MAP3K1: variants seen among roughly 807,000 people sequenced by gnomAD.
MAP3K1 encodes the protein mitogen-activated protein kinase kinase kinase 1.
A neutral mutation model predicts 144.2 loss-of-function variants in MAP3K1; 36 were observed. That is an observed-to-expected ratio of 0.25 (90% CI 0.19 to 0.33). The LOEUF is 0.33. MAP3K1 is among the 10% of genes least tolerant of loss of function. The pLI is 1.00. For synonymous variants in MAP3K1, 718 were observed against 688.7 expected (o/e 1.04, Z -0.67); for missense variants, 1,650 against 1,881.9 (o/e 0.88, Z 2.28).
At chr5:56,838,492 A>G (rs1029212926) in intron 1 of MAP3K1, among the ~76,000 whole-genome samples, 1 of 152,234 alleles carries the variant, frequency 6.6e-6, no homozygotes, top group African/African-American at 2.4e-5. Context: ...TGAGGAAGAC[A>G]TTATTTAGGA....
intron 1 of MAP3K1, among the ~76,000 whole-genome samples, chr5:56,843,051 C>T (rs952819931): frequency 6.6e-6 from 1 of 152,142 alleles, no homozygotes; most frequent in African/African-American, 2.4e-5. Context: ...GAAGTCCTTC[C>T]TGGTTTTGTT....
At chr5:56,883,822 T>C in intron 15 of MAP3K1, 143 bp downstream of exon 15, 1 of 916,312 alleles carries the variant, frequency 1.1e-6, no homozygotes, top group South Asian at 1.4e-5. Flanking sequence ...TAGATGTTTC[T>C]AAAGCACCAG....
Position 56,859,815 on chromosome 5 carries a change from C to G in MAP3K1, c.734C>G (p.Ser245Cys). The G allele has an allele frequency of 6.2e-7, 1 of 1,614,000 alleles. No homozygotes were observed. Among genetic ancestry groups the G allele is most frequent in the Admixed American group, 1.7e-5 (1 of 60,012 alleles). The change falls in exon 3 of 20, where the codon TCC (serine) becomes TGC (cysteine). Residue 245 changes from serine to cysteine, a missense_variant. Physicochemically the swap from Ser to Cys is moderately radical, Grantham distance 112 (BLOSUM62 -1). Coordinates refer to ENST00000399503, the MANE Select transcript of MAP3K1 (RefSeq NM_005921.2). ...EVQASAASPASKGRRSPSPGN... is the reference protein window; with the variant it reads ...EVQASAASPACKGRRSPSPGN... ...CAGGCAAGTGCGGCTTCACCAGCTT[C>G]CAAAGGCCGACGCAGTCCTTCTCCT...
rs1377706371 is a variant in MAP3K1 at position 56,881,556 on chromosome 5, T to C, written c.2370-14T>C. 3 of 1,588,968 alleles carry C rather than the reference T, an allele frequency of 1.9e-6. No individual in the cohort carries two copies. Among genetic ancestry groups the C allele is most frequent in the Non-Finnish European group, 2.6e-6 (3 of 1,158,146 alleles). On this transcript the variant is annotated splice_polypyrimidine_tract_variant and intron_variant, in intron 13 of 19. Transcript: ENST00000399503. Reference sequence around the variant, plus strand: ...ATTGGAACTTATATGGTAATGAATGTTTTTTTCTTTCAGGTATAAGAAGCT... The same window carrying C: ...ATTGGAACTTATATGGTAATGAATGCTTTTTTCTTTCAGGTATAAGAAGCT...
chr5:56,890,665 T>TATACAGAA (rs1472115183), intron 19 of MAP3K1, among the ~76,000 whole-genome samples: 17 of 152,166 alleles, frequency 1.1e-4, no homozygotes, highest in Admixed American at 9.2e-4. Flanking sequence ...TTATCCACAC[T>TATACAGAA]ATACAGAAAT....
chr5:56,865,198 TC>T (rs1747639536), intron 4 of MAP3K1, 141 bp from the exon 5 acceptor site: 1 of 648,666 alleles, frequency 1.5e-6, no homozygotes, highest in Non-Finnish European at 2.7e-6. Context: ...TGTAGATTTT[TC>T]TTATATACAA....
intron 1 of MAP3K1, among the ~76,000 whole-genome samples, chr5:56,845,195 C>T (rs185047803): frequency 6.6e-6 from 1 of 152,072 alleles, no homozygotes; most frequent in Non-Finnish European, 1.5e-5. Context: ...TTGTATTATG[C>T]CATAACCTAC....
chr5:56,839,749 A>G (rs1421874638), intron 1 of MAP3K1, among the ~76,000 whole-genome samples: 5 of 152,170 alleles, frequency 3.3e-5, no homozygotes, highest in Admixed American at 2.0e-4. Context: ...TCATGTCTGC[A>G]AGGACCCAGA....
At chr5:56,879,715 A>G (rs745744513) in intron 11 of MAP3K1, among the ~76,000 whole-genome samples, 2 of 152,202 alleles carry the variant, frequency 1.3e-5, no homozygotes, top group Admixed American at 6.6e-5. Context: ...TTTCAGACCA[A>G]TGGTTCTCTT....
chr5:56,893,687 A>G lies in MAP3K1; in HGVS notation c.*7A>G. 1 of 1,613,712 alleles carries G rather than the reference A, an allele frequency of 6.2e-7. No homozygotes were observed. The highest frequency in any genetic ancestry group is 8.5e-7 in the Non-Finnish European group (1 of 1,179,726). ...CTTTCGTACTACATGGTAGCCAATTATGCAGATCAACTACAGTAGAAACAG... is the reference window on the plus strand; with the variant it reads ...CTTTCGTACTACATGGTAGCCAATTGTGCAGATCAACTACAGTAGAAACAG... On this transcript the variant is annotated 3_prime_UTR_variant, in exon 20 of 20. Coordinates refer to ENST00000399503, the MANE Select transcript of MAP3K1 (RefSeq NM_005921.2).
chr5:56,844,394 T>C (rs1349437285), intron 1 of MAP3K1, among the ~76,000 whole-genome samples: 4 of 152,084 alleles, frequency 2.6e-5, no homozygotes, highest in Admixed American at 1.3e-4. Flanking sequence ...TTAGCCAGGA[T>C]GGTCTCGATC....
intron 16 of MAP3K1, among the ~76,000 whole-genome samples, chr5:56,885,551 C>T (rs766663419): frequency 1.3e-5 from 2 of 152,172 alleles, no homozygotes; most frequent in Non-Finnish European, 2.9e-5. Flanking sequence ...TTTTCTGTTC[C>T]TCCTCCCATT....
intron 16 of MAP3K1, 66 bp downstream of exon 16, chr5:56,884,892 A>G (rs1748334848): frequency 4.8e-6 from 7 of 1,447,378 alleles, no homozygotes; most frequent in Non-Finnish European, 6.7e-6. Context: ...TTTAGGAAAA[A>G]CCAGTTTAAT....
Position 56,881,932 on chromosome 5 carries a change from C to T in MAP3K1, c.2732C>T (p.Thr911Ile), listed in dbSNP as rs1350383274. The change falls in exon 14 of 20, where the codon ACT (threonine) becomes ATT (isoleucine). Residue 911 changes from threonine to isoleucine, a missense_variant. Around this residue, in one of 6 missense-constraint regions of MAP3K1, gnomAD observed 841 missense variants for 886.5 expected, o/e 0.95. Transcript: ENST00000399503. ...SPECTVHLEK[T>I]GKGLCATKLS... ...GAGTGCACAGTCCATTTAGAGAAAA[C>T]TGGAAAAGGATTATGTGCTACAAAA... The T allele has an allele frequency of 3.1e-6, 5 of 1,613,890 alleles. No individual in the cohort carries two copies. In the African/African-American group the frequency reaches 6.7e-5, roughly 22 times the overall value.
chr5:56,846,611 T>C (rs1747005008), intron 1 of MAP3K1, among the ~76,000 whole-genome samples: 1 of 152,208 alleles, frequency 6.6e-6, no homozygotes, highest in Non-Finnish European at 1.5e-5. Context: ...ATTTTAAGAG[T>C]CACTGCATAT....
intron 13 of MAP3K1, 135 bp downstream of exon 13, chr5:56,881,407 T>C (rs1748202064): frequency 2.0e-6 from 2 of 980,614 alleles, no homozygotes; most frequent in South Asian, 1.4e-5. Flanking sequence ...TTGATTGACA[T>C]ATGAAAACCC....
At chr5:56,863,582 T>G (rs1052682624) in intron 3 of MAP3K1, among the ~76,000 whole-genome samples, 2 of 152,260 alleles carry the variant, frequency 1.3e-5, no homozygotes, top group Non-Finnish European at 2.9e-5. Context: ...GTGGCTATTA[T>G]GAATAATGCT....
chr5:56,882,824 G>T lies in MAP3K1; in HGVS notation c.3624G>T (p.Leu1208=). 6.2e-7 allele frequency: 1 copy of T among 1,612,440 alleles called. No homozygotes were observed. Among genetic ancestry groups the T allele is most frequent in the Non-Finnish European group, 8.5e-7 (1 of 1,179,740 alleles). The change falls in exon 14 of 20, where the codon CTG becomes CTT. Residue 1208 remains leucine, a synonymous_variant. Coordinates refer to ENST00000399503, the MANE Select transcript of MAP3K1 (RefSeq NM_005921.2). ...ATGCCCTCCCCATAGTTCCTCAGCT[G>T]CAGGTTGAAAATGGAGAAGATATCA... ...SQDALPIVPQ[L]QVENGEDIII... is the part of the protein sequence containing the mutation.
At chr5:56,879,733 C>G (rs561531642) in intron 11 of MAP3K1, among the ~76,000 whole-genome samples, 1 of 152,266 alleles carries the variant, frequency 6.6e-6, no homozygotes, top group East Asian at 1.9e-4. Flanking sequence ...CTTTTATTTT[C>G]CCCTTCCATA....
Sources: allele counts gnomAD v4.1 joint callset (sites outside exome capture counted in the v4.1 genomes callset), GRCh38; gene constraint gnomAD v4.1.1; regional missense constraint gnomAD v4.1.1; transcripts MANE v1.5; gene names NCBI Gene and HGNC (gene_info 2026-07-23, HGNC 2026-07-21).